ITPR2: variants seen among roughly 807,000 people sequenced by gnomAD.
ITPR2 encodes the protein inositol 1,4,5-trisphosphate receptor type 2, also known as inositol 1,4,5-trisphosphate-gated calcium channel ITPR2.
ITPR2 carries 207 observed loss-of-function variants against 317.1 expected under a neutral mutation model. That is an observed-to-expected ratio of 0.65 (90% CI 0.58 to 0.73). The LOEUF (loss-of-function observed/expected upper bound fraction) is 0.73, where lower values mean the gene tolerates loss of function less well. ITPR2 is among the 30% of genes least tolerant of loss of function. The pLI is 0.00. For synonymous variants in ITPR2, 1,156 were observed against 1,149.1 expected, an observed-to-expected ratio of 1.01 and a Z score of -0.12; for missense variants, 2,613 against 3,284.0, an observed-to-expected ratio of 0.80 and a Z score of 4.99.
intron 2 of ITPR2, among the ~76,000 whole-genome samples, chr12:26,756,029 C>T (rs552798613): frequency 1.4e-4 from 22 of 152,130 alleles, no homozygotes; most frequent in Non-Finnish European, 2.8e-4. Context: ...AACAGAGTTC[C>T]ATCAAAGCCA....
intron 2 of ITPR2, among the ~76,000 whole-genome samples, chr12:26,767,865 A>G (rs1445234530): frequency 1.3e-5 from 2 of 152,326 alleles, no homozygotes; most frequent in East Asian, 3.9e-4. Flanking sequence ...TTGATTCAAC[A>G]TTATTTATAC....
intron 25 of ITPR2, 105 bp from the exon 26 acceptor site, chr12:26,621,401 T>C: frequency 2.7e-6 from 2 of 741,488 alleles, no homozygotes; most frequent in Non-Finnish European, 4.2e-6. Context: ...GAAGTAAGTG[T>C]GAACACTTAA....
chr12:26,405,264 T>A (rs1448701598), intron 52 of ITPR2, among the ~76,000 whole-genome samples: 1 of 152,190 alleles, frequency 6.6e-6, no homozygotes, highest in East Asian at 1.9e-4. Context: ...GAACTAAATA[T>A]ATACCTATGA....
At chr12:26,694,561 T>C (rs1239352068) in intron 10 of ITPR2, among the ~76,000 whole-genome samples, 4 of 152,152 alleles carry the variant, frequency 2.6e-5, no homozygotes, top group Admixed American at 2.6e-4. Context: ...ACCCAACTTG[T>C]TCAACTACCC....
intron 37 of ITPR2, among the ~76,000 whole-genome samples, chr12:26,539,472 GTTTCT>G (rs1312684722): frequency 6.6e-6 from 1 of 152,078 alleles, no homozygotes; most frequent in Non-Finnish European, 1.5e-5. Context: ...AACCTACATG[GTTTCT>G]TTTTGTAGCC....
At chr12:26,406,682 A>G (rs1940364967) in intron 52 of ITPR2, 2 of 152,128 alleles carry the variant, frequency 1.3e-5, no homozygotes, top group South Asian at 4.1e-4. Flanking sequence ...TGCAAGTTAA[A>G]ATTTAATCCT....
chr12:26,486,481 G>T (rs766803842), intron 40 of ITPR2, 121 bp from the exon 41 acceptor site: 4 of 863,574 alleles, frequency 4.6e-6, no homozygotes, highest in Non-Finnish European at 6.9e-6. Context: ...CTGACAAAAG[G>T]TGCAACAATT....
chr12:26,434,695 AT>A (rs1941307864), intron 48 of ITPR2, among the ~76,000 whole-genome samples: 1 of 152,164 alleles, frequency 6.6e-6, no homozygotes, highest in African/African-American at 2.4e-5. Context: ...AAGATATGTC[AT>A]TTTTTAGGCT....
chr12:26,576,210 C>T (rs991267491), intron 34 of ITPR2, among the ~76,000 whole-genome samples: 26 of 152,092 alleles, frequency 1.7e-4, no homozygotes, highest in African/African-American at 6.3e-4. Flanking sequence ...TTCATTATAA[C>T]TTGAAAGTAA....
chr12:26,660,467 T>C (rs1259297668), intron 15 of ITPR2, among the ~76,000 whole-genome samples: 2 of 152,240 alleles, frequency 1.3e-5, no homozygotes, highest in Non-Finnish European at 2.9e-5. Flanking sequence ...CTTTGATTCC[T>C]TGGGATTCTC....
intron 9 of ITPR2, among the ~76,000 whole-genome samples, chr12:26,707,750 G>C (rs1185133210): frequency 1.3e-5 from 2 of 152,006 alleles, no homozygotes; most frequent in African/African-American, 4.8e-5. Flanking sequence ...GGCTAGTCTT[G>C]AACTCCTGAC....
chr12:26,612,441 CT>C (rs2136777898), intron 26 of ITPR2, among the ~76,000 whole-genome samples: 2 of 152,306 alleles, frequency 1.3e-5, no homozygotes, highest in African/African-American at 4.8e-5. Flanking sequence ...CTGCTACTGG[CT>C]GTTTCCATTG....
intron 21 of ITPR2, among the ~76,000 whole-genome samples, chr12:26,651,703 T>C (rs1947258886): frequency 1.3e-5 from 2 of 152,228 alleles, no homozygotes; most frequent in South Asian, 2.1e-4. Flanking sequence ...GTGATACCGA[T>C]GACATTTACA....
chr12:26,414,809 C>T (rs889786087), intron 51 of ITPR2, among the ~76,000 whole-genome samples: 1 of 151,976 alleles, frequency 6.6e-6, no homozygotes, highest in Non-Finnish European at 1.5e-5. Context: ...GCATGTCTTC[C>T]TTCTTTTGCT....
chr12:26,521,485 A>C (rs527456099), intron 37 of ITPR2, among the ~76,000 whole-genome samples: 5 of 152,274 alleles, frequency 3.3e-5, no homozygotes, highest in African/African-American at 1.2e-4. Context: ...TATTTTTCAG[A>C]TTCATTATAT....
At chr12:26,719,186 C>T (rs112887341) in intron 5 of ITPR2, among the ~76,000 whole-genome samples, 1,988 of 152,206 alleles carry the variant, frequency 0.013, 47 homozygotes, top group African/African-American at 0.046. Context: ...GAAATAGTCC[C>T]TATTCTCACA....
intron 35 of ITPR2, among the ~76,000 whole-genome samples, chr12:26,559,839 C>T (rs1434076709): frequency 6.6e-6 from 1 of 152,168 alleles, no homozygotes; most frequent in Non-Finnish European, 1.5e-5. Context: ...TATTCATCTT[C>T]ATTATTCATA....
At chr12:26,615,821 T>G (rs1194358716) in intron 26 of ITPR2, among the ~76,000 whole-genome samples, 1 of 152,164 alleles carries the variant, frequency 6.6e-6, no homozygotes, top group Non-Finnish European at 1.5e-5. Context: ...GTGGAAAATG[T>G]CAACAAATCT....
intron 55 of ITPR2, among the ~76,000 whole-genome samples, chr12:26,341,835 TC>T (rs1249518310): frequency 6.6e-6 from 1 of 152,146 alleles, no homozygotes; most frequent in Admixed American, 6.5e-5. Context: ...TGTATCAAAA[TC>T]CCCTGGTTGC....
Sources: gnomAD v4.1 joint callset for allele counts (sites outside exome capture counted in the v4.1 genomes callset) on GRCh38, gnomAD v4.1.1 for gene constraint, MANE v1.5 for transcripts, NCBI Gene and HGNC (gene_info 2026-07-23, HGNC 2026-07-21) for gene names.